Variants in CATSPER3 observed in about 807,000 individuals in gnomAD.
The protein encoded by CATSPER3 is cation channel sperm-associated protein 3.
In CATSPER3, 23 loss-of-function variants were observed where a neutral mutation model predicts 36.6. That is an observed-to-expected ratio of 0.63 (90% confidence interval 0.45 to 0.89). The LOEUF (loss-of-function observed/expected upper bound fraction) is 0.89. Among genes scored for constraint, CATSPER3 ranks in the 40% least tolerant of loss-of-function variants. The pLI is 0.00. For synonymous variants in CATSPER3, 172 were observed against 184.1 expected (o/e 0.93, Z 0.53); for missense variants, 474 against 503.9 (o/e 0.94, Z 0.57).
rs199733182 is a variant in CATSPER3, at chr5:135,008,166, G to A, written c.675+27G>A. ...TACTGTGTTTGGGAACAGTGGTGAG[G>A]GCAGGGGCCTTAGGAAGGGACAGCC... On this transcript the variant is annotated intron_variant, in intron 4 of 7. Transcript: ENST00000282611. The A allele has an allele frequency of 1.4e-4, 218 of 1,601,174 alleles. 2 individuals are homozygous for A. In the East Asian group the frequency reaches 4.6e-3, roughly 34 times the overall value.
intron 2 of CATSPER3, among the ~76,000 whole-genome samples, chr5:134,994,369 G>T (rs2149550174): frequency 6.6e-6 from 1 of 152,224 alleles, no homozygotes; most frequent in East Asian, 1.9e-4. Flanking sequence ...TTAAAAATAG[G>T]ATACTATTTC....
chr5:134,997,215 C>T (rs113862464), intron 3 of CATSPER3, among the ~76,000 whole-genome samples: 38 of 152,334 alleles, frequency 2.5e-4, no homozygotes, highest in African/African-American at 6.3e-4. Flanking sequence ...CCTGTCCTGC[C>T]GGAGGCTGCC....
intron 2 of CATSPER3, among the ~76,000 whole-genome samples, chr5:134,984,730 A>G (rs1252970183): frequency 6.6e-6 from 1 of 152,326 alleles, no homozygotes; most frequent in East Asian, 1.9e-4. Flanking sequence ...TCCAAGAACT[A>G]AAGGTGTATC....
chr5:135,002,150 G>A (rs1403331868), intron 3 of CATSPER3, among the ~76,000 whole-genome samples: 1 of 151,742 alleles, frequency 6.6e-6, no homozygotes, highest in African/African-American at 2.4e-5. Flanking sequence ...TCTTTTAGGG[G>A]AGGCCTGGTG....
chr5:134,979,775 C>T (rs1179569887), intron 2 of CATSPER3, among the ~76,000 whole-genome samples: 1 of 152,084 alleles, frequency 6.6e-6, no homozygotes, highest in Non-Finnish European at 1.5e-5. Flanking sequence ...GACCTAAGGT[C>T]TCAAGATTTC....
intron 2 of CATSPER3, among the ~76,000 whole-genome samples, chr5:134,970,592 GAC>G (rs1751591623): frequency 8.3e-6 from 1 of 121,194 alleles, no homozygotes; most frequent in Non-Finnish European, 1.7e-5. Context: ...TTTTTTTTGA[GAC>G]AGAGTCTCGC....
chr5:135,007,809 C>A, intron 3 of CATSPER3, 148 bp from the exon 4 acceptor site: 2 of 128,886 alleles, frequency 1.6e-5, no homozygotes, highest in Non-Finnish European at 1.6e-5. Flanking sequence ...AACCAACCCA[C>A]CCACCCACCC....
rs961190414 is a variant in CATSPER3 at position 134,970,899 on chromosome 5, A to C, written c.252+807A>C. Among the ~76,000 whole-genome samples the C allele has an allele frequency of 3.3e-5, 5 of 152,004 alleles. No individual in the cohort carries two copies. The East Asian group carries it at 9.7e-4, about 30-fold the overall frequency. On this transcript the variant is annotated intron_variant, in intron 2 of 7. Coordinates refer to ENST00000282611, the MANE Select transcript of CATSPER3 (RefSeq NM_178019.3). ...TGACATGGTTTTTAAGTCTCCTTGAATCTCCTCTCAAAAACTGAGCAAGCC... is the reference window on the plus strand; with the variant it reads ...TGACATGGTTTTTAAGTCTCCTTGACTCTCCTCTCAAAAACTGAGCAAGCC...
chr5:134,992,935 AACAGAT>A (rs1751896169), intron 2 of CATSPER3, among the ~76,000 whole-genome samples: 1 of 152,226 alleles, frequency 6.6e-6, no homozygotes, highest in African/African-American at 2.4e-5. Flanking sequence ...TGGGGACTCA[AACAGAT>A]ACTTGTATTG....
At chr5:134,987,209 TAGG>T (rs1483807598) in intron 2 of CATSPER3, among the ~76,000 whole-genome samples, 1 of 152,214 alleles carries the variant, frequency 6.6e-6, no homozygotes, top group Non-Finnish European at 1.5e-5. Context: ...AAAAGGGTTA[TAGG>T]AGAATACTAT....
intron 3 of CATSPER3, among the ~76,000 whole-genome samples, chr5:135,001,946 C>A (rs969779636): frequency 6.6e-6 from 1 of 152,202 alleles, no homozygotes; most frequent in Non-Finnish European, 1.5e-5. Flanking sequence ...TTAATTGGAG[C>A]ATTGAGCCCA....
At chr5:134,983,778 T>G (rs1751776436) in intron 2 of CATSPER3, among the ~76,000 whole-genome samples, 1 of 152,174 alleles carries the variant, frequency 6.6e-6, no homozygotes, top group Admixed American at 6.5e-5. Context: ...CCAGGATAGA[T>G]TATATATTAG....
At chr5:134,978,866 C>A (rs1048651913) in intron 2 of CATSPER3, among the ~76,000 whole-genome samples, 4 of 150,694 alleles carry the variant, frequency 2.7e-5, no homozygotes, top group African/African-American at 9.8e-5. Flanking sequence ...ACTACAGGTG[C>A]ACGGTGCCAT....
At chr5:134,982,235 A>G (rs185263926) in intron 2 of CATSPER3, among the ~76,000 whole-genome samples, 6 of 152,348 alleles carry the variant, frequency 3.9e-5, no homozygotes, top group East Asian at 3.9e-4. Flanking sequence ...TAATATACAC[A>G]TAATAGGGGT....
chr5:134,986,855 G>A (rs1751818082), intron 2 of CATSPER3, among the ~76,000 whole-genome samples: 1 of 152,176 alleles, frequency 6.6e-6, no homozygotes, highest in African/African-American at 2.4e-5. Flanking sequence ...AAAACTCATA[G>A]GATGCAGTGA....
chr5:134,978,444 T>A (rs1182307275), intron 2 of CATSPER3, among the ~76,000 whole-genome samples: 1 of 152,110 alleles, frequency 6.6e-6, no homozygotes, highest in East Asian at 1.9e-4. Context: ...ATATGTCAAT[T>A]AAAAACAAAA....
At chr5:134,984,346 G>C (rs1751783646) in intron 2 of CATSPER3, among the ~76,000 whole-genome samples, 1 of 152,076 alleles carries the variant, frequency 6.6e-6, no homozygotes, top group South Asian at 2.1e-4. Flanking sequence ...CATACACAAT[G>C]GGAGAAAATA....
rs752490861 is a variant in CATSPER3, at chr5:134,996,412, T to G, written c.392T>G (p.Leu131Arg). 5.0e-6 allele frequency: 8 copies of G among 1,614,170 alleles called. No individual in the cohort carries two copies. Among genetic ancestry groups the G allele is most frequent in the East Asian group, 2.2e-5 (1 of 44,882 alleles). The change falls in exon 3 of 8, where the codon CTC becomes CGC. Residue 131 changes from leucine (L) to arginine (R), a missense_variant. Transcript: ENST00000282611. ...ATCGTTATGTTTTTACCCTATGCCC[T>G]CCGCCAGCTCATGGGCAAACAGTTC... is the stretch of plus-strand genomic sequence containing the variant. ...IIIVMFLPYALRQLMGKQFTY... is the reference protein window; with the variant it reads ...IIIVMFLPYARRQLMGKQFTY...
intron 2 of CATSPER3, among the ~76,000 whole-genome samples, chr5:134,983,393 G>T (rs1417452199): frequency 6.6e-6 from 1 of 152,072 alleles, no homozygotes; most frequent in Admixed American, 6.6e-5. Context: ...AAATTAGCCA[G>T]GTGTGGTGGT....
Sources: gnomAD v4.1 joint callset for allele counts (sites outside exome capture counted in the v4.1 genomes callset) on GRCh38, gnomAD v4.1.1 for gene constraint, MANE v1.5 for transcripts, NCBI Gene and HGNC (gene_info 2026-07-23, HGNC 2026-07-21) for gene names.